The following ZNF234 variants were observed in gnomAD, a reference collection of about 807,000 sequenced individuals.
ZNF234 encodes zinc finger protein 234.
Under a neutral mutation model 10.3 loss-of-function variants are expected in ZNF234, and 4 were observed. That is an observed-to-expected ratio of 0.39 (90% CI 0.19 to 0.89). ZNF234 has a LOEUF of 0.89. ZNF234 is among the 40% of genes least tolerant of loss of function. The probability of loss-of-function intolerance (pLI) is 0.38; values close to 1 mark genes in which losing one functional copy is unlikely to be tolerated. For synonymous variants in ZNF234, 258 were observed against 280.1 expected, an observed-to-expected ratio of 0.92 and a Z score of 0.79; for missense variants, 711 against 836.1, an observed-to-expected ratio of 0.85 and a Z score of 1.85.
At chr19:44,142,867 A>T (rs1277109527) in intron 2 of ZNF234, among the ~76,000 whole-genome samples, 1 of 152,238 alleles carries the variant, frequency 6.6e-6, no homozygotes, top group Non-Finnish European at 1.5e-5. Context: ...GGATGTAAAG[A>T]TAGTAATGGT....
intron 2 of ZNF234, 86 bp from the exon 3 acceptor site, chr19:44,144,471 A>G: frequency 2.0e-6 from 1 of 489,708 alleles, no homozygotes; most frequent in East Asian, 3.3e-5. Context: ...CACCGTGACC[A>G]TTCGTGTGCT....
intron 3 of ZNF234, among the ~76,000 whole-genome samples, chr19:44,146,064 G>A (rs1968583134): frequency 6.6e-6 from 1 of 152,180 alleles, no homozygotes; most frequent in African/African-American, 2.4e-5. Flanking sequence ...AGAAACATTA[G>A]CCATTCCATT....
rs536858344 is a variant in ZNF234, at chr19:44,159,625, G to T, written c.*1506G>T. On this transcript the variant is annotated 3_prime_UTR_variant, in exon 6 of 6. Transcript: ENST00000426739. ...CTCTAACACTTTTAAAGTGTCAGAA[G>T]TAGTTGCCAATGCCAAATTTTTATC... is the stretch of plus-strand genomic sequence containing the variant. The T allele has an allele frequency of 2.1e-6, 1 of 475,278 alleles. No individual in the cohort carries two copies. The allele number at this position is 475,278 out of a possible 1,614,324, so 29.4% of individuals were successfully genotyped here.
In ZNF234 at chr19:44,157,380, CT is replaced by C. The variant is rs763280537; in HGVS notation, c.1368del (p.Phe456LeufsTer21). The C allele has an allele frequency of 4.3e-6, 7 of 1,613,996 alleles. No homozygotes were observed. In the South Asian group the frequency reaches 6.6e-5, roughly 15 times the overall value. ...CTGAAAGCACATAGTGTACAGAAAC[CT>C]TTTAAGTGTGAAGAGTGTGGGCAGG... ...IHLKAHSVQK[P>X]FKCEECGQGF... On this transcript the variant is annotated frameshift_variant, in exon 6 of 6. Transcript: ENST00000426739. LOFTEE classifies it low-confidence loss of function (END_TRUNC).
At chr19:44,146,587 C>T (rs1320525562) in intron 3 of ZNF234, among the ~76,000 whole-genome samples, 2 of 152,100 alleles carry the variant, frequency 1.3e-5, no homozygotes, top group Non-Finnish European at 2.9e-5. Flanking sequence ...AGATACCTTA[C>T]AGAGTATTAA....
chr19:44,146,158 G>A lies in ZNF234; in HGVS notation c.15+1511G>A, dbSNP rs764583413. On this transcript the variant is annotated intron_variant, in intron 3 of 5. Coordinates refer to ENST00000426739, the MANE Select transcript of ZNF234 (RefSeq NM_006630.3). ...GGGTGTCTGGAGTGCCCTGTTGGGT[G>A]ATAACGTCCACAGGTAGTGGGGGAC... is the stretch of plus-strand genomic sequence containing the variant. Among the ~76,000 whole-genome samples, 304 of 152,310 alleles carry A rather than the reference G, an allele frequency of 2.0e-3. 1 individual carries two copies. The highest frequency in any genetic ancestry group is 3.5e-3 in the Non-Finnish European group (236 of 68,028).
In ZNF234 at chr19:44,157,788, C is replaced by G; in HGVS notation, c.1772C>G (p.Thr591Arg). The change falls in exon 6 of 6, where the codon ACA (threonine) becomes AGA (arginine). Residue 591 changes from threonine (T) to arginine (R), a missense_variant. Coordinates refer to ENST00000426739, the MANE Select transcript of ZNF234 (RefSeq NM_006630.3). ...CTTGACATGCATCAGAGGGTGCACACAGGAGAAAAACCCTATACATGTGGG... is the reference window on the plus strand; with the variant it reads ...CTTGACATGCATCAGAGGGTGCACAGAGGAGAAAAACCCTATACATGTGGG... ...LNLDMHQRVH[T>R]GEKPYTCGEC... 1 of 1,613,880 alleles carries G rather than the reference C, an allele frequency of 6.2e-7. No homozygotes were observed. Among genetic ancestry groups the G allele is most frequent in the Non-Finnish European group, 8.5e-7 (1 of 1,179,892 alleles).
At position 44,156,245 on chromosome 19, in the gene ZNF234, C is replaced by G. The variant is rs1968877387; in HGVS notation, c.236-7C>G. The G allele has an allele frequency of 2.6e-6, 4 of 1,537,666 alleles. No homozygotes were observed. In the African/African-American group the frequency reaches 5.5e-5, roughly 21 times the overall value. On this transcript the variant is annotated splice_polypyrimidine_tract_variant and splice_region_variant and intron_variant, in intron 5 of 5. Coordinates refer to ENST00000426739, the MANE Select transcript of ZNF234 (RefSeq NM_006630.3). ...CCTCCACATCTCTGAATTCTCTGTC[C>G]TTACAGCAGACAAGATCCAAAGTGA...
chr19:44,151,171 C>T (rs1240100300), intron 5 of ZNF234, among the ~76,000 whole-genome samples: 1 of 152,090 alleles, frequency 6.6e-6, no homozygotes, highest in Non-Finnish European at 1.5e-5. Flanking sequence ...CTACCTCTTG[C>T]TCCATCTTTT....
At chr19:44,151,638 CCT>C (rs982052235) in intron 5 of ZNF234, among the ~76,000 whole-genome samples, 5 of 152,292 alleles carry the variant, frequency 3.3e-5, no homozygotes, top group African/African-American at 1.2e-4. Context: ...TCAGCCCGTC[CCT>C]GTTTCTTCCC....
chr19:44,156,664 C>G lies in ZNF234; in HGVS notation c.648C>G (p.Ser216Arg). ...TGTGTGGTAAGGAATTTAGTCAGAGCTCACATCTTCAAACTCATCAGAGAG... is the reference window on the plus strand; with the variant it reads ...TGTGTGGTAAGGAATTTAGTCAGAGGTCACATCTTCAAACTCATCAGAGAG... ...CDVCGKEFSQ[S>R]SHLQTHQRVH... The change falls in exon 6 of 6, where the codon AGC (serine) becomes AGG (arginine). Residue 216 changes from serine (S) to arginine (R), a missense_variant. Ser to Arg is a moderately radical substitution (Grantham distance 110, BLOSUM62 -1). Coordinates refer to ENST00000426739, the MANE Select transcript of ZNF234 (RefSeq NM_006630.3). The G allele has an allele frequency of 6.2e-7, 1 of 1,614,162 alleles. No homozygotes were observed.
intron 5 of ZNF234, among the ~76,000 whole-genome samples, chr19:44,153,079 A>C (rs1178843582): frequency 6.6e-6 from 1 of 151,086 alleles, no homozygotes; most frequent in Non-Finnish European, 1.5e-5. Context: ...CTTGCTCAAA[A>C]TTGTCACATC....
In ZNF234 at chr19:44,157,938, A is replaced by G; in HGVS notation, c.1922A>G (p.Tyr641Cys). ...TTCAGTCGGTCTTCACAATTACAGT[A>G]TCATAGGCGAGTTCACACTGGGGAA... The part of the protein sequence containing the change: ...KVFSRSSQLQ[Y>C]HRRVHTGEKP... Residue 641 changes from tyrosine (Y) to cysteine (C), a missense_variant, in exon 6 of 6, where the codon TAT (tyrosine) becomes TGT (cysteine). Coordinates refer to ENST00000426739, the MANE Select transcript of ZNF234 (RefSeq NM_006630.3). 1 of 1,614,056 alleles carries G rather than the reference A, an allele frequency of 6.2e-7. No individual in the cohort carries two copies. Among genetic ancestry groups the G allele is most frequent in the Non-Finnish European group, 8.5e-7 (1 of 1,179,956 alleles).
chr19:44,144,893 A>G (rs964678236), intron 3 of ZNF234, among the ~76,000 whole-genome samples: 2 of 152,202 alleles, frequency 1.3e-5, no homozygotes, highest in Admixed American at 1.3e-4. Context: ...TCAACCAACC[A>G]CAGATTGAAA....
Position 44,153,590 on chromosome 19 carries a change from T to C in ZNF234, c.236-2662T>C, listed in dbSNP as rs1365818067. Among the ~76,000 whole-genome samples, 6 of 152,158 alleles carry C rather than the reference T, an allele frequency of 3.9e-5. No individual in the cohort carries two copies. The East Asian group carries it at 7.7e-4, about 20-fold the overall frequency. On this transcript the variant is annotated intron_variant, in intron 5 of 5. Transcript: ENST00000426739. ...TGTGAAAGGCCCAACTTACCTACACTGAGAGCTTCAGAAGGAACCAGTGTA... is the reference window on the plus strand; with the variant it reads ...TGTGAAAGGCCCAACTTACCTACACCGAGAGCTTCAGAAGGAACCAGTGTA...
chr19:44,145,316 A>G (rs1266740139), intron 3 of ZNF234, among the ~76,000 whole-genome samples: 3 of 152,126 alleles, frequency 2.0e-5, no homozygotes, highest in African/African-American at 4.8e-5. Context: ...CATTTAATTA[A>G]TGTGCCTTTT....
At chr19:44,145,307 A>T (rs927617329) in intron 3 of ZNF234, among the ~76,000 whole-genome samples, 4 of 152,148 alleles carry the variant, frequency 2.6e-5, no homozygotes, top group African/African-American at 4.8e-5. Flanking sequence ...CCATATACCC[A>T]TTTAATTAAT....
chr19:44,158,240 C>T lies in ZNF234; in HGVS notation c.*121C>T. On this transcript the variant is annotated 3_prime_UTR_variant, in exon 6 of 6. Transcript: ENST00000426739. ...ATTTGATTTGTAACGCTCCACATTT[C>T]CACCTAGACTTTTTTTTGTTTTTTA... 9.0e-7 allele frequency: 1 copy of T among 1,115,812 alleles called. No homozygotes were observed. Among genetic ancestry groups the T allele is most frequent in the Non-Finnish European group, 1.3e-6 (1 of 749,826 alleles). The allele number at this position is 1,115,812 out of a possible 1,614,324, so 69.1% of individuals were successfully genotyped here. A position where few individuals can be genotyped will look rare whatever the true frequency, so the allele number is the denominator to read the frequency against.
At chr19:44,143,682 C>T (rs966232006) in intron 2 of ZNF234, among the ~76,000 whole-genome samples, 2 of 151,056 alleles carry the variant, frequency 1.3e-5, no homozygotes, top group South Asian at 2.1e-4. Flanking sequence ...TGTGGTAGTG[C>T]GCGCCTGTAA....
Sources: gnomAD v4.1 joint callset for allele counts (sites outside exome capture counted in the v4.1 genomes callset) on GRCh38, gnomAD v4.1.1 for gene constraint, MANE v1.5 for transcripts, NCBI Gene and HGNC (gene_info 2026-07-23, HGNC 2026-07-21) for gene names.